MTCH1: variants seen among roughly 807,000 people sequenced by gnomAD.
MTCH1 encodes the protein mitochondrial carrier 1.
MTCH1 carries 23 observed loss-of-function variants against 49.3 expected under a neutral mutation model. That is an observed-to-expected ratio of 0.47 (90% CI 0.34 to 0.66). MTCH1 has a LOEUF of 0.66. MTCH1 is among the 30% of genes least tolerant of loss of function. The pLI, the probability that MTCH1 is intolerant of heterozygous loss-of-function variation, is 0.01. For synonymous variants in MTCH1, 229 were observed against 215.2 expected (o/e 1.06, Z -0.56); for missense variants, 397 against 532.1 (o/e 0.75, Z 2.50).
At position 36,968,832 on chromosome 6, in the gene MTCH1, C is replaced by G; in HGVS notation, c.*71G>C. On this transcript the variant is annotated 3_prime_UTR_variant, in exon 12 of 12. Coordinates refer to ENST00000373627, the MANE Select transcript of MTCH1 (RefSeq NM_001271641.2). The stretch of plus-strand genomic sequence containing the variant: ...TTGTTGTTGGGTTGGAGTCGTCTTG[C>G]AGGTGTCCCAAGGTGGTCAGGCCTC... The G allele has an allele frequency of 1.2e-6, 2 of 1,607,954 alleles. No individual in the cohort carries two copies. The highest frequency in any genetic ancestry group is 1.7e-6 in the Non-Finnish European group (2 of 1,175,538).
chr6:36,971,822 G>A (rs543411097), intron 8 of MTCH1, among the ~76,000 whole-genome samples: 1 of 152,106 alleles, frequency 6.6e-6, no homozygotes, highest in Non-Finnish European at 1.5e-5. Flanking sequence ...CCTTCTTGAA[G>A]GTGATCCCCA....
intron 7 of MTCH1, among the ~76,000 whole-genome samples, chr6:36,974,587 C>A (rs965195824): frequency 6.6e-6 from 1 of 152,108 alleles, no homozygotes; most frequent in Admixed American, 6.5e-5. Context: ...TGTTTAGCAG[C>A]GTCTCTGGCC....
chr6:36,969,114 C>T (rs1763582268), intron 11 of MTCH1, 140 bp from the exon 12 acceptor site: 2 of 1,438,458 alleles, frequency 1.4e-6, no homozygotes, highest in East Asian at 5.1e-5. Flanking sequence ...GGCCTACATC[C>T]CTGGAGGGCA....
In MTCH1 at chr6:36,986,007, G is replaced by C. The variant is rs1405799185; in HGVS notation, c.167C>G (p.Pro56Arg). ...CCTGCGGGCCGAGGGCTGAGCCGCAGGCCGAGGGTGGCGAGGATGTGCGCG... is the reference window on the plus strand; with the variant it reads ...CCTGCGGGCCGAGGGCTGAGCCGCACGCCGAGGGTGGCGAGGATGTGCGCG... The part of the protein sequence containing the change: ...AHRAHPRHPR[P>R]AAQPSARRMD... Residue 56 changes from proline (P) to arginine (R), a missense_variant, in exon 1 of 12, where the codon CCT becomes CGT. Around this residue, in one of 2 missense-constraint regions of MTCH1, gnomAD observed 145 missense variants for 143.8 expected, o/e 1.01. Transcript: ENST00000373627. The C allele has an allele frequency of 6.5e-7, 1 of 1,530,554 alleles. No individual in the cohort carries two copies. The highest frequency in any genetic ancestry group is 2.0e-5 in the Admixed American group (1 of 49,484). The allele number at this position is 1,530,554 out of a possible 1,614,324, so 94.8% of individuals were successfully genotyped here. A position where few individuals can be genotyped will look rare whatever the true frequency, so the allele number is the denominator to read the frequency against.
At position 36,977,138 on chromosome 6, in the gene MTCH1, C is replaced by T; in HGVS notation, c.701+61G>A. On this transcript the variant is annotated intron_variant, in intron 6 of 11. Transcript: ENST00000373627. The surrounding 1 kb of genome is among the most constrained non-coding windows in gnomAD (Gnocchi z 5.4). ...GTGCAGCAACCAATCCCAGCACGGC[C>T]TGCCCTGGCCGACTCTGAAAGGGTA... The T allele has an allele frequency of 2.5e-6, 4 of 1,569,092 alleles. No homozygotes were observed. The highest frequency in any genetic ancestry group is 1.7e-5 in the Admixed American group (1 of 59,906).
At chr6:36,974,612 G>C (rs1229240844) in intron 7 of MTCH1, among the ~76,000 whole-genome samples, 1 of 152,130 alleles carries the variant, frequency 6.6e-6, no homozygotes, top group Non-Finnish European at 1.5e-5. Context: ...CCCACTAGAT[G>C]CCAGTTGTGA....
At chr6:36,981,526 G>T in intron 2 of MTCH1, 62 bp downstream of exon 2, 2 of 1,520,170 alleles carry the variant, frequency 1.3e-6, no homozygotes, top group Non-Finnish European at 1.8e-6. Context: ...AGCTGGTCCT[G>T]CTCCCCACCT....
rs1763910176 is a variant in MTCH1, at chr6:36,977,187, A to G, written c.701+12T>C. 1 of 1,613,652 alleles carries G rather than the reference A, an allele frequency of 6.2e-7. No homozygotes were observed. Among genetic ancestry groups the G allele is most frequent in the Admixed American group, 1.7e-5 (1 of 60,008 alleles). On this transcript the variant is annotated intron_variant, in intron 6 of 11. Coordinates refer to ENST00000373627, the MANE Select transcript of MTCH1 (RefSeq NM_001271641.2). This position sits in a 1 kb window ranked among gnomAD's most constrained non-coding sequence, Gnocchi z 5.4. The stretch of plus-strand genomic sequence containing the variant: ...TAACAGGGCCACTCTGCCAGTCCCA[A>G]GAGTTACCCACCTGTACTTGGCCTC...
At chr6:36,979,866 C>G (rs1336045651) in intron 2 of MTCH1, among the ~76,000 whole-genome samples, 1 of 152,214 alleles carries the variant, frequency 6.6e-6, no homozygotes, top group East Asian at 1.9e-4. Flanking sequence ...CGTCATTTCT[C>G]TCCATTTCTG....
At chr6:36,986,548 C>T (rs1192364890), upstream of MTCH1, among the ~76,000 whole-genome samples, 1 of 152,182 alleles carries the variant, frequency 6.6e-6, no homozygotes, top group Non-Finnish European at 1.5e-5. Context: ...GGAGTTTTCT[C>T]TGCAGTTCTC....
At chr6:36,978,272 G>A (rs970199085) in intron 3 of MTCH1, 117 bp from the exon 4 acceptor site, 3 of 980,384 alleles carry the variant, frequency 3.1e-6, no homozygotes, top group African/African-American at 3.2e-5. Context: ...TATTGGCTGG[G>A]CCCACCTCAG....
chr6:36,975,636 T>C lies in MTCH1; in HGVS notation c.761+22A>G, dbSNP rs750135968. ...GCAGAGCCATGCCCGTGGCCAGTTATGGGGTGTATAAACTCACGTACACGA... is the reference window on the plus strand; with the variant it reads ...GCAGAGCCATGCCCGTGGCCAGTTACGGGGTGTATAAACTCACGTACACGA... On this transcript the variant is annotated intron_variant, in intron 7 of 11. Coordinates refer to ENST00000373627, the MANE Select transcript of MTCH1 (RefSeq NM_001271641.2). 18 of 1,612,608 alleles carry C rather than the reference T, an allele frequency of 1.1e-5. No homozygotes were observed. The Admixed American group carries it at 3.0e-4, about 27-fold the overall frequency.
At chr6:36,981,150 C>A (rs1042610811) in intron 2 of MTCH1, among the ~76,000 whole-genome samples, 1 of 152,128 alleles carries the variant, frequency 6.6e-6, no homozygotes, top group Non-Finnish European at 1.5e-5. Context: ...GCAGGGGAAA[C>A]AAGACACCCA....
chr6:36,968,938 G>A lies in MTCH1; in HGVS notation c.1135C>T (p.Arg379Trp), dbSNP rs199805585. The change falls in exon 12 of 12, where the codon CGG becomes TGG. Residue 379 changes from arginine (R) to tryptophan (W), a missense_variant. Around this residue, in one of 2 missense-constraint regions of MTCH1, gnomAD observed 252 missense variants for 388.3 expected, o/e 0.65. Coordinates refer to ENST00000373627, the MANE Select transcript of MTCH1 (RefSeq NM_001271641.2). The part of the protein sequence containing the change: ...LFRGSSLLFR[R>W]VSSGSCFALE Reference sequence around the variant, plus strand: ...GCAAAGCATGATCCTGATGACACCCGGCGGAAAAGCAGGCTGGAGCCTCGG... The same window carrying A: ...GCAAAGCATGATCCTGATGACACCCAGCGGAAAAGCAGGCTGGAGCCTCGG... 5.0e-6 allele frequency: 8 copies of A among 1,614,108 alleles called. No individual in the cohort carries two copies. The highest frequency in any genetic ancestry group is 6.8e-6 in the Non-Finnish European group (8 of 1,179,994).
intron 8 of MTCH1, 43 bp from the exon 9 acceptor site, chr6:36,970,737 A>C (rs1276682380): frequency 3.1e-6 from 5 of 1,600,098 alleles, no homozygotes. Flanking sequence ...CAGGCACCTC[A>C]GGATGCAGAC....
intron 2 of MTCH1, 31 bp downstream of exon 2, chr6:36,981,557 G>A (rs138172145): frequency 2.5e-6 from 4 of 1,608,166 alleles, no homozygotes; most frequent in Non-Finnish European, 3.4e-6. Flanking sequence ...TTCTGTTGGT[G>A]TGGGCTTTCC....
chr6:36,986,111 T>C lies in MTCH1; in HGVS notation c.63A>G (p.Gly21=). 1 of 1,436,236 alleles carries C rather than the reference T, an allele frequency of 7.0e-7. No individual in the cohort carries two copies. Among genetic ancestry groups the C allele is most frequent in the South Asian group, 1.4e-5 (1 of 72,348 alleles). 89.0% of individuals were successfully genotyped at this position (1,436,236 alleles called of 1,614,324 possible). A position where few individuals can be genotyped will look rare whatever the true frequency, so the allele number is the denominator to read the frequency against. The change falls in exon 1 of 12, where the codon GGA becomes GGG. Residue 21 remains glycine (G), a synonymous_variant. Coordinates refer to ENST00000373627, the MANE Select transcript of MTCH1 (RefSeq NM_001271641.2). ...WARGGAAGMA[G]AGAGAGARGG... Reference sequence around the variant, plus strand: ...CGCGAGCTCCGGCTCCAGCTCCGGCTCCCGCCATCCCCGCGGCACCGCCGC... The same window carrying C: ...CGCGAGCTCCGGCTCCAGCTCCGGCCCCCGCCATCCCCGCGGCACCGCCGC...
Position 36,977,550 on chromosome 6 carries a change from T to A in MTCH1, c.649+84A>T, listed in dbSNP as rs897953201. 32 of 931,812 alleles carry A rather than the reference T, an allele frequency of 3.4e-5. No individual in the cohort carries two copies. In the South Asian group the frequency reaches 4.5e-4, roughly 13 times the overall value. 57.7% of individuals were successfully genotyped at this position (931,812 alleles called of 1,614,324 possible). A position where few individuals can be genotyped will look rare whatever the true frequency, so the allele number is the denominator to read the frequency against. On this transcript the variant is annotated intron_variant, in intron 5 of 11. Transcript: ENST00000373627. The surrounding 1 kb of genome is among the most constrained non-coding windows in gnomAD (Gnocchi z 5.4). ...TTCCCAACAGGTCTACGGCTGTCTA[T>A]GTACAGTCCACGAGGGGGCGCCCCT... is the stretch of plus-strand genomic sequence containing the variant.
chr6:36,971,160 A>G (rs1763672175), intron 8 of MTCH1, among the ~76,000 whole-genome samples: 1 of 152,078 alleles, frequency 6.6e-6, no homozygotes, highest in African/African-American at 2.4e-5. Flanking sequence ...TTGCTGAAGC[A>G]AACAGCTCCT....
Sources: gnomAD v4.1 joint callset for allele counts (sites outside exome capture counted in the v4.1 genomes callset) on GRCh38, gnomAD v4.1.1 for gene constraint, gnomAD v4.1.1 regional missense constraint, Gnocchi (gnomAD v3.1) non-coding constraint, MANE v1.5 for transcripts, NCBI Gene and HGNC (gene_info 2026-07-23, HGNC 2026-07-21) for gene names.